Variants in ATP11A observed in about 807,000 individuals in gnomAD.
ATP11A encodes the protein phospholipid-transporting ATPase IH.
In ATP11A, 81 loss-of-function variants were observed where a neutral mutation model predicts 154.4. The ratio of observed to expected loss-of-function variants is 0.52; its 90% confidence interval spans 0.44 to 0.63. The LOEUF is 0.63. Among genes scored for constraint, ATP11A ranks in the 30% least tolerant of loss-of-function variants. The pLI is 0.00. For synonymous variants in ATP11A, 623 were observed against 585.9 expected (o/e 1.06, Z -0.91); for missense variants, 1,316 against 1,474.3 (o/e 0.89, Z 1.76).
rs748439807 is a variant in ATP11A at position 112,871,726 on chromosome 13, C to T, written c.2992-9C>T. 1.3e-5 allele frequency: 21 copies of T among 1,612,934 alleles called. No homozygotes were observed. In the South Asian group the frequency reaches 2.2e-4, roughly 17 times the overall value. On this transcript the variant is annotated splice_polypyrimidine_tract_variant and intron_variant, in intron 25 of 29. Coordinates refer to ENST00000375645, the MANE Select transcript of ATP11A (RefSeq NM_015205.3). ...AAACGAGATGACTTGGACTATTTTCCCCAAACAGATATTTGGAAACTGGAC... is the reference window on the plus strand; with the variant it reads ...AAACGAGATGACTTGGACTATTTTCTCCAAACAGATATTTGGAAACTGGAC...
intron 1 of ATP11A, among the ~76,000 whole-genome samples, chr13:112,774,048 G>T (rs891730965): frequency 6.6e-6 from 1 of 152,190 alleles, no homozygotes; most frequent in Non-Finnish European, 1.5e-5. Context: ...TCCACCTCAC[G>T]GGGAACTAGG....
intron 1 of ATP11A, among the ~76,000 whole-genome samples, chr13:112,761,161 G>C (rs2076953209): frequency 6.6e-6 from 1 of 152,154 alleles, no homozygotes; most frequent in Non-Finnish European, 1.5e-5. Flanking sequence ...TGGTCCAGGG[G>C]TCGCAGTGCT....
intron 1 of ATP11A, among the ~76,000 whole-genome samples, chr13:112,731,526 TTTTA>T (rs1890482307): frequency 6.6e-6 from 1 of 152,292 alleles, no homozygotes; most frequent in Non-Finnish European, 1.5e-5. Context: ...TAGTTTTCTG[TTTTA>T]TTTATGAGTA....
At position 112,844,699 on chromosome 13, in the gene ATP11A, TAGCGGTACTAGTTC is replaced by T. The variant is rs2079525074; in HGVS notation, c.1809+2326_1809+2339del. On this transcript the variant is annotated intron_variant, in intron 17 of 29. Coordinates refer to ENST00000375645, the MANE Select transcript of ATP11A (RefSeq NM_015205.3). ...CAGCACTCGTTCAGTTGCCGAGCAC[TAGCGGTACTAGTTC>T]AGCGGCCGCTAGTCCAAGTACCTCT... 2.0e-5 allele frequency among the ~76,000 whole-genome samples: 3 copies of T among 150,306 alleles called. 1 individual carries two copies. Among genetic ancestry groups the T allele is most frequent in the South Asian group, 4.2e-4 (2 of 4,778 alleles).
At chr13:112,860,991 G>C (rs1220484799) in intron 24 of ATP11A, among the ~76,000 whole-genome samples, 1 of 152,176 alleles carries the variant, frequency 6.6e-6, no homozygotes, top group Non-Finnish European at 1.5e-5. Flanking sequence ...GGTAATTTAT[G>C]AAGGAAGGAG....
intron 1 of ATP11A, chr13:112,703,471 T>C (rs951478082): frequency 5.3e-5 from 8 of 152,240 alleles, no homozygotes; most frequent in African/African-American, 1.9e-4. Flanking sequence ...ACTATTTAGA[T>C]GGCGAATATT....
At chr13:112,738,298 A>G (rs1891192211) in intron 1 of ATP11A, among the ~76,000 whole-genome samples, 1 of 152,190 alleles carries the variant, frequency 6.6e-6, no homozygotes, top group African/African-American at 2.4e-5. Context: ...GCTTGCACCC[A>G]GGAAGCAGAG....
intron 1 of ATP11A, among the ~76,000 whole-genome samples, chr13:112,741,465 C>G (rs1312100976): frequency 2.6e-5 from 4 of 152,170 alleles, no homozygotes; most frequent in Non-Finnish European, 5.9e-5. Context: ...CTGGGGGCAC[C>G]TGTCATGGTG....
intron 2 of ATP11A, among the ~76,000 whole-genome samples, chr13:112,790,690 G>A (rs1007089502): frequency 6.6e-6 from 1 of 152,142 alleles, no homozygotes. Flanking sequence ...TCCACACCGG[G>A]TGTCCTGATG....
chr13:112,871,344 C>T (rs1476730017), intron 25 of ATP11A, among the ~76,000 whole-genome samples: 2 of 152,130 alleles, frequency 1.3e-5, no homozygotes, highest in African/African-American at 2.4e-5. Flanking sequence ...TGCGTGTACC[C>T]GAGTTTGCAT....
intron 1 of ATP11A, chr13:112,703,302 C>A (rs1275818196): frequency 6.6e-6 from 1 of 152,222 alleles, no homozygotes; most frequent in African/African-American, 2.4e-5. Context: ...ACACACCAAT[C>A]CTGTCTGATT....
chr13:112,807,839 A>G lies in ATP11A; in HGVS notation c.333+1546A>G. 6.6e-6 allele frequency among the ~76,000 whole-genome samples: 1 copy of G among 152,106 alleles called. No individual in the cohort carries two copies. The highest frequency in any genetic ancestry group is 1.9e-4 in the East Asian group (1 of 5,194). ...CCTGAGCCTCTCAAGGGGAGCAGAG[A>G]GAAGGGGCGCGGGGGTGCAGAACAA... On this transcript the variant is annotated intron_variant, in intron 4 of 29. Coordinates refer to ENST00000375645, the MANE Select transcript of ATP11A (RefSeq NM_015205.3). This position sits in a 1 kb window ranked among gnomAD's most constrained non-coding sequence, Gnocchi z 4.5.
Position 112,875,492 on chromosome 13 carries a change from G to GTTTTTTT in ATP11A, c.3162-276_3162-270dup, listed in dbSNP as rs35972555. ...TCAATCCCTTTGTGTTTTGTTTTTTGTTTTTTTTTTTTTTGCTTCTGTGAA... is the reference window on the plus strand; with the variant it reads ...TCAATCCCTTTGTGTTTTGTTTTTTGTTTTTTTTTTTTTTTTTTTTTGCTTCTGTGAA... On this transcript the variant is annotated intron_variant, in intron 27 of 29. Transcript: ENST00000375645. This position sits in a 1 kb window ranked among gnomAD's most constrained non-coding sequence, Gnocchi z 4.1. Among the ~76,000 whole-genome samples, 2 of 145,926 alleles carry GTTTTTTT rather than the reference G, an allele frequency of 1.4e-5. No individual in the cohort carries two copies.
At chr13:112,817,477 C>T (rs532069724) in intron 6 of ATP11A, among the ~76,000 whole-genome samples, 10 of 152,258 alleles carry the variant, frequency 6.6e-5, no homozygotes, top group Admixed American at 2.6e-4. Context: ...TCTAGGGGGT[C>T]GGAATCCCTG....
At chr13:112,798,191 G>A (rs1399452105) in intron 2 of ATP11A, among the ~76,000 whole-genome samples, 1 of 152,254 alleles carries the variant, frequency 6.6e-6, no homozygotes, top group Non-Finnish European at 1.5e-5. Flanking sequence ...TCCTGGGACC[G>A]TGACTAGTTG....
At chr13:112,873,792 T>G in intron 27 of ATP11A, 116 bp downstream of exon 27, 1 of 994,800 alleles carries the variant, frequency 1.0e-6, no homozygotes, top group East Asian at 2.6e-5. Flanking sequence ...AAGTGTTTGT[T>G]GAATGGCTGC....
chr13:112,743,496 G>A (rs1276015361), intron 1 of ATP11A, among the ~76,000 whole-genome samples: 1 of 151,706 alleles, frequency 6.6e-6, no homozygotes, highest in African/African-American at 2.4e-5. Flanking sequence ...GTAGGTTCCT[G>A]CTAGCGTTGA....
Position 112,836,040 on chromosome 13 carries a change from C to G in ATP11A, c.1632-138C>G, listed in dbSNP as rs916716086. The stretch of plus-strand genomic sequence containing the variant: ...GGCATCCATGGGAGGACACCCCTCA[C>G]CCAGCAGCCCTCTGTGTGTCCCCTG... On this transcript the variant is annotated intron_variant, in intron 15 of 29. Transcript: ENST00000375645. The G allele has an allele frequency of 1.1e-5, 6 of 553,126 alleles. No homozygotes were observed. In the Admixed American group the frequency reaches 1.3e-4, roughly 12 times the overall value. 34.3% of individuals were successfully genotyped at this position (553,126 alleles called of 1,614,324 possible).
intron 1 of ATP11A, among the ~76,000 whole-genome samples, chr13:112,764,277 T>C (rs577060822): frequency 2.6e-5 from 4 of 152,346 alleles, no homozygotes; most frequent in Admixed American, 2.6e-4. Context: ...CCCGGCCTGT[T>C]CCTTATAGGC....
Sources: gnomAD v4.1 joint callset for allele counts (sites outside exome capture counted in the v4.1 genomes callset) on GRCh38, gnomAD v4.1.1 for gene constraint, Gnocchi (gnomAD v3.1) non-coding constraint, MANE v1.5 for transcripts, NCBI Gene and HGNC (gene_info 2026-07-23, HGNC 2026-07-21) for gene names.